The following ATP6V1E1 variants were observed in gnomAD, a reference collection of about 807,000 sequenced individuals.
ATP6V1E1 encodes V-type proton ATPase subunit E 1.
A neutral mutation model predicts 35.2 loss-of-function variants in ATP6V1E1; 21 were observed. The ratio of observed to expected loss-of-function variants is 0.60; its 90% CI spans 0.42 to 0.86. The LOEUF (loss-of-function observed/expected upper bound fraction) is 0.86. Ranked by LOEUF, ATP6V1E1 falls within the 40% of genes least tolerant of loss-of-function variation. ATP6V1E1 has a pLI of 0.00. For missense variants in ATP6V1E1, 183 were observed against 272.6 expected (o/e 0.67, Z 2.32); for synonymous variants, 83 against 87.8 (o/e 0.95, Z 0.30).
intron 2 of ATP6V1E1, among the ~76,000 whole-genome samples, chr22:17,616,568 A>C (rs1400255301): frequency 6.6e-6 from 1 of 151,160 alleles, no homozygotes; most frequent in Admixed American, 6.6e-5. Context: ...AGTCCCAGCT[A>C]CTTGGGAGGC....
Position 17,628,642 on chromosome 22 carries a change from A to G in ATP6V1E1, c.-7T>C, listed in dbSNP as rs1474652344. On this transcript the variant is annotated 5_prime_UTR_variant, in exon 1 of 9. Coordinates refer to ENST00000253413, the MANE Select transcript of ATP6V1E1 (RefSeq NM_001696.4). ...CAGCATCGCTGAGAGCCATGGCGAG[A>G]GCAATGCTAGGCCGGTGAACAGTAG... 4 of 1,614,056 alleles carry G rather than the reference A, an allele frequency of 2.5e-6. No individual in the cohort carries two copies. The highest frequency in any genetic ancestry group is 3.4e-6 in the Non-Finnish European group (4 of 1,180,052).
At chr22:17,627,845 A>G (rs1437123639) in intron 1 of ATP6V1E1, among the ~76,000 whole-genome samples, 1 of 150,926 alleles carries the variant, frequency 6.6e-6, no homozygotes, top group African/African-American at 2.4e-5. Context: ...AAAAAAGAAA[A>G]AAACACAGTT....
intron 7 of ATP6V1E1, 140 bp downstream of exon 7, chr22:17,598,054 G>C (rs747314429): frequency 4.0e-5 from 27 of 673,458 alleles, no homozygotes; most frequent in Non-Finnish European, 4.1e-5. Flanking sequence ...AGGAACGGCT[G>C]CAAGTAGAAT....
chr22:17,594,598 G>A lies in ATP6V1E1; in HGVS notation c.549C>T (p.Ile183=), dbSNP rs2057721786. Residue 183 remains isoleucine, a synonymous_variant, in exon 8 of 9, where the codon ATC becomes ATT. Coordinates refer to ENST00000253413, the MANE Select transcript of ATP6V1E1 (RefSeq NM_001696.4). ...LPEDIAGGVE[I]YNGDRKIKVS... is the part of the protein sequence containing the mutation. The stretch of plus-strand genomic sequence containing the variant: ...CCTTTATTTTACGATCTCCATTATA[G>A]ATCTCAACTCCACCAGCTCTGCAAA... The A allele has an allele frequency of 2.5e-6, 4 of 1,582,976 alleles. No homozygotes were observed. Among genetic ancestry groups the A allele is most frequent in the Non-Finnish European group, 3.4e-6 (4 of 1,167,160 alleles).
intron 1 of ATP6V1E1, among the ~76,000 whole-genome samples, chr22:17,628,303 G>C (rs1054951436): frequency 6.6e-6 from 1 of 152,192 alleles, no homozygotes; most frequent in African/African-American, 2.4e-5. Context: ...ATCTCTGTCC[G>C]ACTAGGCACA....
chr22:17,618,681 C>CAAAA (rs796136446), intron 2 of ATP6V1E1, among the ~76,000 whole-genome samples: 2 of 72,424 alleles, frequency 2.8e-5, no homozygotes, highest in East Asian at 6.8e-4. Context: ...GACTCCATCT[C>CAAAA]AAAAAAAAAA....
chr22:17,602,311 T>C (rs1260728764), intron 4 of ATP6V1E1, among the ~76,000 whole-genome samples: 2 of 152,106 alleles, frequency 1.3e-5, no homozygotes, highest in Non-Finnish European at 2.9e-5. Flanking sequence ...ACAAATCTCA[T>C]ATGGCTGAGA....
chr22:17,611,558 CA>C (rs1601385933), intron 4 of ATP6V1E1, among the ~76,000 whole-genome samples: 2 of 152,238 alleles, frequency 1.3e-5, no homozygotes, highest in East Asian at 3.9e-4. Context: ...CAAACATGTC[CA>C]AAAGTCCAGC....
At chr22:17,605,470 C>T (rs1213014951) in intron 4 of ATP6V1E1, among the ~76,000 whole-genome samples, 1 of 151,926 alleles carries the variant, frequency 6.6e-6, no homozygotes, top group African/African-American at 2.4e-5. Flanking sequence ...GCGGGGGGTG[C>T]AGTGAGCCGA....
intron 1 of ATP6V1E1, among the ~76,000 whole-genome samples, chr22:17,619,739 A>C (rs1406142190): frequency 6.6e-6 from 1 of 152,176 alleles, no homozygotes; most frequent in African/African-American, 2.4e-5. Flanking sequence ...TAAAAAAGTC[A>C]ATCACTTACT....
intron 4 of ATP6V1E1, among the ~76,000 whole-genome samples, chr22:17,609,711 C>T (rs1244309327): frequency 6.6e-6 from 1 of 151,756 alleles, no homozygotes; most frequent in African/African-American, 2.4e-5. Flanking sequence ...CCTCGTGATC[C>T]GCCCGCCTCG....
intron 4 of ATP6V1E1, among the ~76,000 whole-genome samples, chr22:17,606,049 C>T (rs764670871): frequency 6.6e-5 from 10 of 152,040 alleles, no homozygotes; most frequent in Admixed American, 4.6e-4. Context: ...ATGGTAAAAA[C>T]GGAACTTAAA....
intron 2 of ATP6V1E1, among the ~76,000 whole-genome samples, chr22:17,614,219 G>A (rs1376217431): frequency 4.6e-5 from 7 of 151,722 alleles, no homozygotes; most frequent in Non-Finnish European, 7.4e-5. Flanking sequence ...GCGTGGCGGC[G>A]CATGCCTGTA....
At chr22:17,612,668 C>T in intron 4 of ATP6V1E1, 144 bp downstream of exon 4, 1 of 766,774 alleles carries the variant, frequency 1.3e-6, no homozygotes, top group Non-Finnish European at 2.0e-6. Flanking sequence ...CTCTTATTCA[C>T]TTTTGTATTT....
At chr22:17,619,066 G>GGT (rs2057861579) in intron 2 of ATP6V1E1, 1 of 455,326 alleles carries the variant, frequency 2.2e-6, no homozygotes, top group Non-Finnish European at 4.4e-6. Flanking sequence ...GGACGAGGTA[G>GGT]GCGGATCACA....
Position 17,601,246 on chromosome 22 carries a change from G to C in ATP6V1E1, c.277-65C>G, listed in dbSNP as rs2057760389. 5 of 1,355,264 alleles carry C rather than the reference G, an allele frequency of 3.7e-6. No homozygotes were observed. The South Asian group carries it at 4.9e-5, about 13-fold the overall frequency. 84.0% of individuals were successfully genotyped at this position (1,355,264 alleles called of 1,614,324 possible). Reference sequence around the variant, plus strand: ...GGGCAGTCGGCTCAGAACCCACTGTGAGGCTGATCCTGGCTCATGCCCAGC... The same window carrying C: ...GGGCAGTCGGCTCAGAACCCACTGTCAGGCTGATCCTGGCTCATGCCCAGC... On this transcript the variant is annotated intron_variant, in intron 4 of 8. Transcript: ENST00000253413.
intron 4 of ATP6V1E1, among the ~76,000 whole-genome samples, chr22:17,607,268 C>T (rs2057791642): frequency 6.6e-6 from 1 of 152,194 alleles, no homozygotes; most frequent in Middle Eastern, 3.4e-3. Flanking sequence ...AGCAATTCTC[C>T]TGCCTCAGCC....
intron 8 of ATP6V1E1, 64 bp from the exon 9 acceptor site, chr22:17,592,800 CTTT>C (rs150344720): frequency 0.019 from 13,326 of 699,946 alleles, no homozygotes; most frequent in East Asian, 0.025. Flanking sequence ...CGCTGCACAT[CTTT>C]TTTTTTTTTT....
intron 2 of ATP6V1E1, among the ~76,000 whole-genome samples, chr22:17,618,102 T>C (rs1020200992): frequency 2.6e-5 from 4 of 151,964 alleles, no homozygotes; most frequent in Non-Finnish European, 5.9e-5. Context: ...GAGCCACCAA[T>C]CCCAGCCCAA....
Sources: allele counts gnomAD v4.1 joint callset (sites outside exome capture counted in the v4.1 genomes callset), GRCh38; gene constraint gnomAD v4.1.1; transcripts MANE v1.5; gene names NCBI Gene and HGNC (gene_info 2026-07-23, HGNC 2026-07-21).